MYOM1: variants seen among roughly 807,000 people sequenced by gnomAD.
MYOM1 encodes the protein myomesin-1.
In MYOM1, 164 loss-of-function variants were observed where a neutral mutation model predicts 205.3. The ratio of observed to expected loss-of-function variants is 0.80; its 90% CI spans 0.70 to 0.91. MYOM1 has a LOEUF of 0.91. Among genes scored for constraint, MYOM1 ranks in the 40% least tolerant of loss-of-function variants. MYOM1 has a pLI of 0.00. For synonymous variants in MYOM1, 772 were observed against 789.4 expected (o/e 0.98, Z 0.37); for missense variants, 2,011 against 2,127.3 (o/e 0.95, Z 1.08).
chr18:3,178,840 C>T (rs1356338868), intron 5 of MYOM1, among the ~76,000 whole-genome samples: 1 of 151,792 alleles, frequency 6.6e-6, no homozygotes, highest in Non-Finnish European at 1.5e-5. Context: ...GTTGCCAAAC[C>T]TTTGAGGTTG....
At chr18:3,232,146 A>G in the MYOM1 span, among the ~76,000 whole-genome samples, 1 of 152,014 alleles carries the variant, frequency 6.6e-6, no homozygotes, top group East Asian at 1.9e-4. Context: ...CCTGGCCAAC[A>G]TGGTAAAACC....
At chr18:3,123,580 G>A (rs2079730306) in intron 19 of MYOM1, among the ~76,000 whole-genome samples, 2 of 151,628 alleles carry the variant, frequency 1.3e-5, no homozygotes, top group Admixed American at 6.6e-5. Flanking sequence ...CAGATTCAAT[G>A]CATCCTCAAT....
rs557272460 is a variant in MYOM1 at position 3,126,724 on chromosome 18, C to A, written c.2968G>T (p.Ala990Ser). ...ACCTTGTATGCCTCCTCACTGACAG[C>A]CTTGACATTGGCTTCTCTCCATTTT... is the stretch of plus-strand genomic sequence containing the variant. ...PGKWREANVK[A>S]VSEEAYKISN... is the part of the protein sequence containing the mutation. Residue 990 changes from alanine to serine, a missense_variant, in exon 19 of 38, where the codon GCT (alanine) becomes TCT (serine). By Grantham distance (99) the Ala-to-Ser change is moderately conservative. Transcript: ENST00000356443. 6.2e-7 allele frequency: 1 copy of A among 1,613,474 alleles called. No individual in the cohort carries two copies. The highest frequency in any genetic ancestry group is 2.2e-5 in the East Asian group (1 of 44,876).
rs778797883 is a variant in MYOM1, at chr18:3,119,996, C to T, written c.2992-1G>A. ...CCATGTTTTCCTTCAAGTTGCTAAT[C>T]TGCAACATTGACAACATCACAGATA... On this transcript the variant is annotated splice_acceptor_variant, in intron 19 of 37. Transcript: ENST00000356443. LOFTEE classifies it high-confidence loss of function. The T allele has an allele frequency of 1.9e-6, 3 of 1,592,124 alleles. No individual in the cohort carries two copies. In the Admixed American group the frequency reaches 5.3e-5, roughly 28 times the overall value.
At chr18:3,166,452 TG>T (rs1175308770) in intron 9 of MYOM1, among the ~76,000 whole-genome samples, 1 of 151,542 alleles carries the variant, frequency 6.6e-6, no homozygotes, top group Admixed American at 6.6e-5. Context: ...TTTTTTGTTT[TG>T]TTTTGTTTTT....
chr18:3,156,106 A>G (rs1197677798), intron 10 of MYOM1, among the ~76,000 whole-genome samples: 1 of 152,186 alleles, frequency 6.6e-6, no homozygotes, highest in East Asian at 1.9e-4. Context: ...GAGAAGGGGG[A>G]ATGAAAATAT....
chr18:3,129,757 G>A (rs1390060567), intron 17 of MYOM1, among the ~76,000 whole-genome samples: 1 of 152,116 alleles, frequency 6.6e-6, no homozygotes, highest in Non-Finnish European at 1.5e-5. Context: ...GAACAAAGAA[G>A]CCAAAGATAG....
chr18:3,226,475 G>C, the MYOM1 span, among the ~76,000 whole-genome samples: 1 of 151,916 alleles, frequency 6.6e-6, no homozygotes, highest in Non-Finnish European at 1.5e-5. The surrounding 1 kb of genome is among the most constrained non-coding windows in gnomAD (Gnocchi z 4.6). Context: ...TCAACCACGG[G>C]TAATTCCTTG....
chr18:3,125,495 T>G (rs2079766258), intron 19 of MYOM1, among the ~76,000 whole-genome samples: 1 of 151,576 alleles, frequency 6.6e-6, no homozygotes, highest in Non-Finnish European at 1.5e-5. Context: ...GGCTCACGCT[T>G]GTAATCCCAG....
At chr18:3,127,305 A>ATTTTTTTTTTT (rs1555620545) in intron 18 of MYOM1, among the ~76,000 whole-genome samples, 8 of 47,582 alleles carry the variant, frequency 1.7e-4, no homozygotes, top group African/African-American at 6.5e-4. Flanking sequence ...ATATATATAT[A>ATTTTTTTTTTT]TTTTTTTTTT....
chr18:3,078,938 C>T (rs2079051431), intron 34 of MYOM1, among the ~76,000 whole-genome samples: 1 of 146,908 alleles, frequency 6.8e-6, no homozygotes, highest in Admixed American at 6.8e-5. Flanking sequence ...CCCACAGTAA[C>T]TGGGACTACA....
chr18:3,119,807 G>T, intron 20 of MYOM1, 62 bp downstream of exon 20: 1 of 1,550,614 alleles, frequency 6.4e-7, no homozygotes, highest in South Asian at 1.2e-5. Flanking sequence ...TTCATTCCAG[G>T]TTGTAGGTTC....
At chr18:3,136,137 A>G (rs535666428) in intron 14 of MYOM1, among the ~76,000 whole-genome samples, 13 of 150,420 alleles carry the variant, frequency 8.6e-5, no homozygotes, top group South Asian at 4.2e-4. Context: ...CTTGCCTGCC[A>G]CCGTGTAAGA....
chr18:3,213,451 G>A (rs2081215925), intron 2 of MYOM1, among the ~76,000 whole-genome samples: 2 of 152,190 alleles, frequency 1.3e-5, no homozygotes, highest in Non-Finnish European at 2.9e-5. Context: ...TTAAATAAAA[G>A]TCACGTGTAT....
chr18:3,225,187 C>G, the MYOM1 span, among the ~76,000 whole-genome samples: 2 of 151,524 alleles, frequency 1.3e-5, no homozygotes, highest in Admixed American at 6.6e-5. Context: ...GAGAGTTTCA[C>G]CGTGTTAGCC....
chr18:3,188,484 C>T (rs937084104), intron 4 of MYOM1, among the ~76,000 whole-genome samples: 1 of 151,480 alleles, frequency 6.6e-6, no homozygotes, highest in Non-Finnish European at 1.5e-5. Context: ...CGAAAATTAG[C>T]TGGGTGTGGT....
intron 2 of MYOM1, among the ~76,000 whole-genome samples, chr18:3,197,624 A>G (rs1279509846): frequency 1.3e-5 from 2 of 152,160 alleles, no homozygotes; most frequent in Non-Finnish European, 2.9e-5. Flanking sequence ...CTGTAATCCC[A>G]GCACGTTGGG....
chr18:3,199,484 T>C (rs1402414422), intron 2 of MYOM1, among the ~76,000 whole-genome samples: 6 of 152,208 alleles, frequency 3.9e-5, no homozygotes, highest in Non-Finnish European at 8.8e-5. Flanking sequence ...TGCAAGCCTG[T>C]GCACATGTGC....
In MYOM1 at chr18:3,176,074, A is replaced by G. The variant is rs774273001; in HGVS notation, c.990T>C (p.Ser330=). Residue 330 remains serine, a synonymous_variant, in exon 6 of 38, where the codon AGT becomes AGC. Transcript: ENST00000356443. Reference sequence around the variant, plus strand: ...TCTCCAGAGTGTGCATCCCATATCGACTCTCAATAATATACTTTCCAGGGT... The same window carrying G: ...TCTCCAGAGTGTGCATCCCATATCGGCTCTCAATAATATACTTTCCAGGGT... ...HANPGKYIIE[S]RYGMHTLEIN... The G allele has an allele frequency of 1.9e-6, 3 of 1,606,288 alleles. No homozygotes were observed. In the Admixed American group the frequency reaches 5.0e-5, roughly 27 times the overall value.
Sources: allele counts gnomAD v4.1 joint callset (sites outside exome capture counted in the v4.1 genomes callset), GRCh38; gene constraint gnomAD v4.1.1; non-coding constraint Gnocchi (gnomAD v3.1); transcripts MANE v1.5; gene names NCBI Gene and HGNC (gene_info 2026-07-23, HGNC 2026-07-21).